KREMEN1: variants seen among roughly 807,000 people sequenced by gnomAD.
The protein encoded by KREMEN1 is kremen protein 1.
A neutral mutation model predicts 46.5 loss-of-function variants in KREMEN1; 30 were observed. That is an observed-to-expected ratio of 0.65 (90% CI 0.48 to 0.88). KREMEN1 has a LOEUF of 0.88. Among genes scored for constraint, KREMEN1 ranks in the 40% least tolerant of loss-of-function variants. The probability of loss-of-function intolerance (pLI) is 0.00; values close to 1 mark genes in which losing one functional copy is unlikely to be tolerated. For synonymous variants in KREMEN1, 214 were observed against 230.6 expected, an observed-to-expected ratio of 0.93 and a Z score of 0.65; for missense variants, 533 against 596.9, an observed-to-expected ratio of 0.89 and a Z score of 1.11.
chr22:29,152,918 A>G (rs1023764368), intron 9 of KREMEN1, among the ~76,000 whole-genome samples: 2 of 152,228 alleles, frequency 1.3e-5, no homozygotes, highest in African/African-American at 4.8e-5. Context: ...GCTACTCCAT[A>G]GGGAGAGCAG....
intron 1 of KREMEN1, among the ~76,000 whole-genome samples, chr22:29,087,993 T>C (rs1433999368): frequency 6.6e-6 from 1 of 152,234 alleles, no homozygotes; most frequent in Non-Finnish European, 1.5e-5. Flanking sequence ...TCCTCACTTA[T>C]GATTAGTATA....
At chr22:29,101,422 T>C (rs1477091285) in intron 3 of KREMEN1, among the ~76,000 whole-genome samples, 1 of 152,212 alleles carries the variant, frequency 6.6e-6, no homozygotes, top group Non-Finnish European at 1.5e-5. Flanking sequence ...TAATTTATTA[T>C]TCAAGAAAAA....
intron 9 of KREMEN1, among the ~76,000 whole-genome samples, chr22:29,157,363 G>A (rs1037179231): frequency 6.6e-6 from 1 of 152,140 alleles, no homozygotes; most frequent in Non-Finnish European, 1.5e-5. Context: ...TTGAGATGGA[G>A]TCTCGCTCTT....
chr22:29,078,151 C>T (rs2037600896), intron 1 of KREMEN1, among the ~76,000 whole-genome samples: 1 of 152,018 alleles, frequency 6.6e-6, no homozygotes, highest in South Asian at 2.1e-4. Flanking sequence ...CCTAGCTACT[C>T]AAGAGGCTGA....
At chr22:29,136,078 C>T (rs1206675222) in intron 5 of KREMEN1, among the ~76,000 whole-genome samples, 2 of 151,998 alleles carry the variant, frequency 1.3e-5, no homozygotes, top group East Asian at 2.0e-4. Context: ...CACGCCACCA[C>T]GCCCAGCTAA....
At chr22:29,132,643 T>A (rs186210377) in intron 5 of KREMEN1, among the ~76,000 whole-genome samples, 74 of 152,340 alleles carry the variant, frequency 4.9e-4, no homozygotes, top group Admixed American at 1.4e-3. Context: ...ATATTGAACA[T>A]CTTTTTGTAT....
At chr22:29,136,893 C>T (rs1253458157) in intron 5 of KREMEN1, among the ~76,000 whole-genome samples, 1 of 152,220 alleles carries the variant, frequency 6.6e-6, no homozygotes, top group Non-Finnish European at 1.5e-5. Context: ...GACAGCTTTA[C>T]CTCATCGGGT....
At chr22:29,135,991 G>A (rs1371749532) in intron 5 of KREMEN1, among the ~76,000 whole-genome samples, 4 of 151,926 alleles carry the variant, frequency 2.6e-5, no homozygotes, top group Non-Finnish European at 5.9e-5. Context: ...GCGTGATCTC[G>A]GCTCACTGCA....
chr22:29,117,363 C>T (rs539211400), intron 3 of KREMEN1, among the ~76,000 whole-genome samples: 4 of 152,108 alleles, frequency 2.6e-5, no homozygotes, highest in African/African-American at 4.8e-5. Flanking sequence ...GTCAGGAGAT[C>T]GAGACCATCC....
chr22:29,120,399 A>T, intron 3 of KREMEN1, among the ~76,000 whole-genome samples: 1 of 131,086 alleles, frequency 7.6e-6, no homozygotes, highest in South Asian at 2.8e-4. Context: ...AACAGGGAGG[A>T]GGGAGAGGTG....
At chr22:29,159,107 A>C (rs867464138) in intron 9 of KREMEN1, among the ~76,000 whole-genome samples, 3 of 146,492 alleles carry the variant, frequency 2.0e-5, no homozygotes, top group Middle Eastern at 3.7e-3. Flanking sequence ...GGCATGAGCC[A>C]CGGTGCCCAG....
intron 5 of KREMEN1, among the ~76,000 whole-genome samples, chr22:29,130,750 G>C (rs1419781562): frequency 6.6e-6 from 1 of 152,206 alleles, no homozygotes; most frequent in Non-Finnish European, 1.5e-5. Context: ...CAGGAAGATT[G>C]AAGAGAATCA....
chr22:29,143,557 A>G lies in KREMEN1; in HGVS notation c.*1445A>G. 1 of 800,890 alleles carries G rather than the reference A, an allele frequency of 1.2e-6. No individual in the cohort carries two copies. Among genetic ancestry groups the G allele is most frequent in the Non-Finnish European group, 1.5e-6 (1 of 661,758 alleles). 49.6% of individuals were successfully genotyped at this position (800,890 alleles called of 1,614,324 possible). On this transcript the variant is annotated 3_prime_UTR_variant, in exon 9 of 9. Transcript: ENST00000400335. ...GGTGATCGAAACCATCCTGGCTAAG[A>G]TGGTGAAACCCCGTCTCTACTAAAA...
intron 5 of KREMEN1, among the ~76,000 whole-genome samples, chr22:29,128,911 C>T (rs1391069896): frequency 2.0e-5 from 3 of 152,310 alleles, no homozygotes; most frequent in South Asian, 2.1e-4. Context: ...ATCATAATAA[C>T]GGATCCAGTT....
intron 8 of KREMEN1, among the ~76,000 whole-genome samples, chr22:29,141,279 CTG>C (rs541313043): frequency 0.011 from 1,604 of 147,532 alleles, 29 homozygotes; most frequent in African/African-American, 0.038. Context: ...GTGTGTGTGT[CTG>C]TGTCTGTGTG....
At position 29,105,632 on chromosome 22, in the gene KREMEN1, T is replaced by A. The variant is rs77966449; in HGVS notation, c.352+6679T>A. ...GATGTCAGGTCTTATGGTCTGGGTATGAAGCCTGGACCTGATCCAGGAAGA... is the reference window on the plus strand; with the variant it reads ...GATGTCAGGTCTTATGGTCTGGGTAAGAAGCCTGGACCTGATCCAGGAAGA... On this transcript the variant is annotated intron_variant, in intron 3 of 8. Coordinates refer to ENST00000400335, the MANE Select transcript of KREMEN1 (RefSeq NM_001039570.3). Among the ~76,000 whole-genome samples the A allele has an allele frequency of 1.0e-2, 1,518 of 152,274 alleles. 21 individuals are homozygous for A. Among genetic ancestry groups the A allele is most frequent in the African/African-American group, 0.033 (1,385 of 41,556 alleles).
At chr22:29,131,560 A>ATGTGTGTG (rs1176208187) in intron 5 of KREMEN1, among the ~76,000 whole-genome samples, 70 of 69,868 alleles carry the variant, frequency 1.0e-3, no homozygotes, top group East Asian at 5.3e-3. Flanking sequence ...ATATATATAT[A>ATGTGTGTG]TGTGTGTGTG....
At chr22:29,163,447 G>A (rs1209602369) in intron 9 of KREMEN1, among the ~76,000 whole-genome samples, 3 of 151,960 alleles carry the variant, frequency 2.0e-5, no homozygotes, top group Admixed American at 6.6e-5. Context: ...GCGCGAACTC[G>A]GCTCACTGCA....
intron 9 of KREMEN1, among the ~76,000 whole-genome samples, chr22:29,166,682 T>C (rs983662363): frequency 2.6e-5 from 4 of 152,162 alleles, no homozygotes; most frequent in Admixed American, 2.6e-4. Context: ...CTCACACCTG[T>C]AGTCCCAGCA....
Sources: gnomAD v4.1 joint callset for allele counts (sites outside exome capture counted in the v4.1 genomes callset) on GRCh38, gnomAD v4.1.1 for gene constraint, MANE v1.5 for transcripts, NCBI Gene and HGNC (gene_info 2026-07-23, HGNC 2026-07-21) for gene names.